Variants in BCL6B observed in about 807,000 individuals in gnomAD.
BCL6B encodes BCL6B transcription repressor.
Under a neutral mutation model 44.6 loss-of-function variants are expected in BCL6B, and 28 were observed. The observed-to-expected ratio is 0.63, with a 90% CI of 0.47 to 0.86. BCL6B has a LOEUF of 0.86. Among genes scored for constraint, BCL6B ranks in the 40% least tolerant of loss-of-function variants. The pLI, the probability that BCL6B is intolerant of heterozygous loss-of-function variation, is 0.00. For missense variants in BCL6B, 626 were observed against 652.3 expected (o/e 0.96, Z 0.44); for synonymous variants, 268 against 263.6 (o/e 1.02, Z -0.16).
Position 7,023,210 on chromosome 17 carries a change from G to T in BCL6B, c.-13+111G>T, listed in dbSNP as rs544676370. On this transcript the variant is annotated intron_variant, in intron 1 of 8. Coordinates refer to ENST00000293805, the MANE Select transcript of BCL6B (RefSeq NM_181844.4). The stretch of plus-strand genomic sequence containing the variant: ...AGTCCCAGAAATTGGGCTAAACTAG[G>T]GATTGGGGACTAGATAGGAGTCGCA... 16 of 164,644 alleles carry T rather than the reference G, an allele frequency of 9.7e-5. No individual in the cohort carries two copies. The South Asian group carries it at 2.4e-3, about 24-fold the overall frequency. 10.2% of individuals were successfully genotyped at this position (164,644 alleles called of 1,614,324 possible).
In BCL6B at chr17:7,024,961, C is replaced by A; in HGVS notation, c.765-115C>A. 6.6e-7 allele frequency: 1 copy of A among 1,511,078 alleles called. No homozygotes were observed. Among genetic ancestry groups the A allele is most frequent in the South Asian group, 1.3e-5 (1 of 77,288 alleles). The allele number at this position is 1,511,078 out of a possible 1,614,324, so 93.6% of individuals were successfully genotyped here. A position where few individuals can be genotyped will look rare whatever the true frequency, so the allele number is the denominator to read the frequency against. On this transcript the variant is annotated intron_variant, in intron 4 of 8. Transcript: ENST00000293805. The surrounding 1 kb of genome is among the most constrained non-coding windows in gnomAD (Gnocchi z 6.6). ...AGTACAATGGATGTGGCTCATTGGTCAACAATATTGGCTCACCCTGAGAGG... is the reference window on the plus strand; with the variant it reads ...AGTACAATGGATGTGGCTCATTGGTAAACAATATTGGCTCACCCTGAGAGG...
chr17:7,025,266 T>C, intron 5 of BCL6B, 66 bp downstream of exon 5: 1 of 1,590,130 alleles, frequency 6.3e-7, no homozygotes, highest in Non-Finnish European at 8.6e-7. Context: ...CCAAAAACTC[T>C]CCCAGAAAGG....
rs115411695 is a variant in BCL6B at position 7,024,185 on chromosome 17, C to T, written c.282C>T (p.Asp94=). The T allele has an allele frequency of 7.8e-4, 1,267 of 1,614,016 alleles. 12 individuals carry two copies. In the African/African-American group the frequency reaches 0.015, roughly 19 times the overall value. ...PEARGFAPLL[D]FMYTSRLRLS... is the part of the protein sequence containing the mutation. Reference sequence around the variant, plus strand: ...CGAGAGGCTTCGCCCCTCTATTGGACTTCATGTACACTTCGCGCCTGCGCC... The same window carrying T: ...CGAGAGGCTTCGCCCCTCTATTGGATTTCATGTACACTTCGCGCCTGCGCC... Residue 94 remains aspartate (D), a synonymous_variant, in exon 3 of 9, where the codon GAC becomes GAT. Transcript: ENST00000293805. The surrounding 1 kb of genome is among the most constrained non-coding windows in gnomAD (Gnocchi z 6.6).
At chr17:7,023,989 A>C (rs1910202458) in intron 2 of BCL6B, 94 bp from the exon 3 acceptor site, 3 of 1,522,588 alleles carry the variant, frequency 2.0e-6, no homozygotes, top group Non-Finnish European at 2.7e-6. Context: ...GATAGTGAGG[A>C]GGCGGGACTT....
Position 7,028,598 on chromosome 17 carries a change from C to T in BCL6B, c.*979C>T, listed in dbSNP as rs1368193514. ...ATCCATCTATAGTGGTAGAGACCCA[C>T]CAGGGCTCAAGTGGAGTCCATCATC... On this transcript the variant is annotated 3_prime_UTR_variant, in exon 9 of 9. Coordinates refer to ENST00000293805, the MANE Select transcript of BCL6B (RefSeq NM_181844.4). 2.0e-6 allele frequency: 2 copies of T among 985,354 alleles called. No individual in the cohort carries two copies. Among genetic ancestry groups the T allele is most frequent in the Non-Finnish European group, 2.4e-6 (2 of 829,956 alleles). 61.0% of individuals were successfully genotyped at this position (985,354 alleles called of 1,614,324 possible).
chr17:7,024,772 TC>T lies in BCL6B; in HGVS notation c.764+10del. The T allele has an allele frequency of 6.3e-7, 1 of 1,595,658 alleles. No homozygotes were observed. ...CCTGGTCCCCAGAGCAGGTACAGAG[TC>T]TAGAACCTCAAGAATTTGTCAGAGC... is the stretch of plus-strand genomic sequence containing the variant. On this transcript the variant is annotated intron_variant, in intron 4 of 8. Coordinates refer to ENST00000293805, the MANE Select transcript of BCL6B (RefSeq NM_181844.4). This position sits in a 1 kb window ranked among gnomAD's most constrained non-coding sequence, Gnocchi z 6.6.
At position 7,023,695 on chromosome 17, in the gene BCL6B, G is replaced by C. The variant is rs1311740299; in HGVS notation, c.24G>C (p.Glu8Asp). The C allele has an allele frequency of 1.9e-6, 3 of 1,612,834 alleles. No individual in the cohort carries two copies. Among genetic ancestry groups the C allele is most frequent in the Non-Finnish European group, 1.7e-6 (2 of 1,179,948 alleles). Residue 8 changes from glutamate (E) to aspartate (D), a missense_variant, in exon 2 of 9, where the codon GAG becomes GAC. Coordinates refer to ENST00000293805, the MANE Select transcript of BCL6B (RefSeq NM_181844.4). Reference sequence around the variant, plus strand: ...CTATGGGTTCCCCCGCCGCCCCGGAGGGAGCGCTGGGCTACGTCCGCGAGT... The same window carrying C: ...CTATGGGTTCCCCCGCCGCCCCGGACGGAGCGCTGGGCTACGTCCGCGAGT... MGSPAAP[E>D]GALGYVREFT...
chr17:7,024,268 A>T lies in BCL6B; in HGVS notation c.365A>T (p.His122Leu), dbSNP rs200272841. 1.2e-6 allele frequency: 2 copies of T among 1,613,542 alleles called. No individual in the cohort carries two copies. Among genetic ancestry groups the T allele is most frequent in the African/African-American group, 2.7e-5 (2 of 74,880 alleles). ...LAAATYLQME[H>L]VVQACHRFIQ... ...GCCGCCACCTATTTGCAGATGGAGC[A>T]CGTGGTCCAGGCATGCCACCGCTTC... The change falls in exon 3 of 9, where the codon CAC becomes CTC. Residue 122 changes from histidine (H) to leucine (L), a missense_variant. His to Leu is a moderately conservative substitution (Grantham distance 99). Transcript: ENST00000293805. The surrounding 1 kb of genome is among the most constrained non-coding windows in gnomAD (Gnocchi z 6.6).
At chr17:7,026,184 T>C (rs1191088064) in intron 5 of BCL6B, among the ~76,000 whole-genome samples, 1 of 152,134 alleles carries the variant, frequency 6.6e-6, no homozygotes, top group East Asian at 1.9e-4. Context: ...CCTCCCAAAG[T>C]GCTGGGATTA....
chr17:7,027,568 C>T lies in BCL6B; in HGVS notation c.1389C>T (p.His463=), dbSNP rs774364020. 1.1e-5 allele frequency: 17 copies of T among 1,613,686 alleles called. No individual in the cohort carries two copies. The highest frequency in any genetic ancestry group is 3.3e-5 in the South Asian group (3 of 91,078). Residue 463 remains histidine, a synonymous_variant, in exon 9 of 9, where the codon CAC becomes CAT. Transcript: ENST00000293805. The part of the protein sequence containing the change: ...SQLRLHLRQK[H]GAATNTKVHY... ...TGCGGCTGCATCTGCGCCAGAAACA[C>T]GGAGCTGCTACCAACACCAAAGTGC...
chr17:7,026,886 G>A, intron 7 of BCL6B, 51 bp downstream of exon 7: 1 of 1,611,408 alleles, frequency 6.2e-7, no homozygotes, highest in Non-Finnish European at 8.5e-7. Flanking sequence ...CAAGAGGTGG[G>A]GTGGGCCAAT....
Position 7,023,833 on chromosome 17 carries a change from A to G in BCL6B, c.162A>G (p.Ala54=), listed in dbSNP as rs1262302228. 2.9e-6 allele frequency: 3 copies of G among 1,024,516 alleles called. No individual in the cohort carries two copies. The highest frequency in any genetic ancestry group is 1.9e-5 in the Admixed American group (1 of 51,402). The allele number at this position is 1,024,516 out of a possible 1,614,324, so 63.5% of individuals were successfully genotyped here. A position where few individuals can be genotyped will look rare whatever the true frequency, so the allele number is the denominator to read the frequency against. The part of the protein sequence containing the change: ...VGGQPLRAHK[A]VLIACSGFFY... ...GGCAACCCCTCAGAGCACACAAGGC[A>G]GTTCTCATCGCCTGCAGGTTCGAGG... The change falls in exon 2 of 9, where the codon GCA becomes GCG. Residue 54 remains alanine (A), a synonymous_variant. Transcript: ENST00000293805.
At position 7,028,365 on chromosome 17, in the gene BCL6B, C is replaced by T. The variant is rs1019428547; in HGVS notation, c.*746C>T. ...CTAGCAGTCTAGAAATGGATACAGACATTTCTCTGTTCTTCAAGGGTGATA... is the reference window on the plus strand; with the variant it reads ...CTAGCAGTCTAGAAATGGATACAGATATTTCTCTGTTCTTCAAGGGTGATA... On this transcript the variant is annotated 3_prime_UTR_variant, in exon 9 of 9. Coordinates refer to ENST00000293805, the MANE Select transcript of BCL6B (RefSeq NM_181844.4). 1 of 838,512 alleles carries T rather than the reference C, an allele frequency of 1.2e-6. No homozygotes were observed. The highest frequency in any genetic ancestry group is 1.3e-6 in the Non-Finnish European group (1 of 763,908). The allele number at this position is 838,512 out of a possible 1,614,324, so 51.9% of individuals were successfully genotyped here. A position where few individuals can be genotyped will look rare whatever the true frequency, so the allele number is the denominator to read the frequency against.
rs781047103 is a variant in BCL6B, at chr17:7,027,024, C to T, written c.1260C>T (p.Arg420=). ...KPYPCPTCGT[R]FRHLQTLKSH... is the part of the protein sequence containing the mutation. ...ACCCTTGCCCTACCTGCGGAACCCG[C>T]TTCCGCCACCTGCAGACCCTCAAGA... Residue 420 remains arginine, a synonymous_variant, in exon 8 of 9, where the codon CGC becomes CGT. Coordinates refer to ENST00000293805, the MANE Select transcript of BCL6B (RefSeq NM_181844.4). 1 of 1,613,828 alleles carries T rather than the reference C, an allele frequency of 6.2e-7. No individual in the cohort carries two copies. The highest frequency in any genetic ancestry group is 8.5e-7 in the Non-Finnish European group (1 of 1,179,970).
chr17:7,024,870 G>C lies in BCL6B; in HGVS notation c.764+107G>C. On this transcript the variant is annotated intron_variant, in intron 4 of 8. Coordinates refer to ENST00000293805, the MANE Select transcript of BCL6B (RefSeq NM_181844.4). The surrounding 1 kb of genome is among the most constrained non-coding windows in gnomAD (Gnocchi z 6.6). ...GAAGGGAGATAGGTGGTGGGTTTCAGAGACACTAGCTCACCTTAAGGAGCT... is the reference window on the plus strand; with the variant it reads ...GAAGGGAGATAGGTGGTGGGTTTCACAGACACTAGCTCACCTTAAGGAGCT... The C allele has an allele frequency of 6.8e-7, 1 of 1,477,532 alleles. No homozygotes were observed. The allele number at this position is 1,477,532 out of a possible 1,614,324, so 91.5% of individuals were successfully genotyped here.
chr17:7,023,809 G>A lies in BCL6B; in HGVS notation c.138G>A (p.Gly46=). The change falls in exon 2 of 9, where the codon GGG becomes GGA. Residue 46 remains glycine, a synonymous_variant. Coordinates refer to ENST00000293805, the MANE Select transcript of BCL6B (RefSeq NM_181844.4). ...CTGACGTCACGCTGCTGGTTGGCGG[G>A]CAACCCCTCAGAGCACACAAGGCAG... ...ILTDVTLLVG[G]QPLRAHKAVL... 6.7e-7 allele frequency: 1 copy of A among 1,502,632 alleles called. No homozygotes were observed. Among genetic ancestry groups the A allele is most frequent in the Non-Finnish European group, 9.0e-7 (1 of 1,113,876 alleles). 93.1% of individuals were successfully genotyped at this position (1,502,632 alleles called of 1,614,324 possible). A position where few individuals can be genotyped will look rare whatever the true frequency, so the allele number is the denominator to read the frequency against.
rs907787271 is a variant in BCL6B at position 7,026,838 on chromosome 17, A to G, written c.1185+3A>G. 6.2e-7 allele frequency: 1 copy of G among 1,613,620 alleles called. No homozygotes were observed. Among genetic ancestry groups the G allele is most frequent in the Non-Finnish European group, 8.5e-7 (1 of 1,180,036 alleles). The stretch of plus-strand genomic sequence containing the variant: ...CGTGCGGCTCGCGCTTTGTACAGGT[A>G]CGGAGCCAGCCTCCAAGTGGCTTCC... On this transcript the variant is annotated splice_donor_region_variant and intron_variant, in intron 7 of 8. Coordinates refer to ENST00000293805, the MANE Select transcript of BCL6B (RefSeq NM_181844.4).
chr17:7,026,137 GT>G (rs1196102184), intron 5 of BCL6B, among the ~76,000 whole-genome samples: 2 of 152,112 alleles, frequency 1.3e-5, no homozygotes, highest in African/African-American at 4.8e-5. Flanking sequence ...GGCCAGGATG[GT>G]CTCCATCTCT....
intron 5 of BCL6B, among the ~76,000 whole-genome samples, chr17:7,025,743 G>A (rs7214906): frequency 0.82 from 123,206 of 150,730 alleles, 51,375 homozygotes; most frequent in Middle Eastern, 0.95. Context: ...AAGCTAAAGT[G>A]GAAGGATCGT....
Sources: allele counts gnomAD v4.1 joint callset (sites outside exome capture counted in the v4.1 genomes callset), GRCh38; gene constraint gnomAD v4.1.1; non-coding constraint Gnocchi (gnomAD v3.1); transcripts MANE v1.5; gene names NCBI Gene and HGNC (gene_info 2026-07-23, HGNC 2026-07-21).